Variants in RXRB observed in about 807,000 individuals in gnomAD.
RXRB encodes retinoic acid receptor RXR-beta.
A neutral mutation model predicts 52.5 loss-of-function variants in RXRB; 18 were observed. That is an observed-to-expected ratio of 0.34 (90% CI 0.24 to 0.51). RXRB has a LOEUF of 0.51. Among genes scored for constraint, RXRB ranks in the 20% least tolerant of loss-of-function variants. The pLI is 0.97. For synonymous variants in RXRB, 233 were observed against 267.1 expected (o/e 0.87, Z 1.25); for missense variants, 455 against 698.2 (o/e 0.65, Z 3.92).
At chr6:33,199,473 A>G in intron 1 of RXRB, 57 bp from the exon 2 acceptor site, 1 of 1,242,214 alleles carries the variant, frequency 8.1e-7, no homozygotes, top group South Asian at 3.6e-5. Flanking sequence ...GAGACAAAAA[A>G]AGAAAATGAG....
chr6:33,199,770 G>A, intron 1 of RXRB: 1 of 443,814 alleles, frequency 2.3e-6, no homozygotes, highest in Admixed American at 2.9e-5. Flanking sequence ...TAGTTCAGGT[G>A]AGGAAAATTT....
At chr6:33,198,015 C>T in intron 3 of RXRB, 74 bp from the exon 4 acceptor site, 1 of 1,496,858 alleles carries the variant, frequency 6.7e-7, no homozygotes, top group Non-Finnish European at 9.1e-7. Flanking sequence ...TTCCAATCTC[C>T]CCCTAGCAAA....
In RXRB at chr6:33,198,718, A is replaced by C; in HGVS notation, c.484-254T>G. 4 of 622,790 alleles carry C rather than the reference A, an allele frequency of 6.4e-6. 1 individual carries two copies. Among genetic ancestry groups the C allele is most frequent in the Non-Finnish European group, 1.2e-5 (4 of 346,276 alleles). 38.6% of individuals were successfully genotyped at this position (622,790 alleles called of 1,614,324 possible). A position where few individuals can be genotyped will look rare whatever the true frequency, so the allele number is the denominator to read the frequency against. On this transcript the variant is annotated intron_variant, in intron 2 of 9. Coordinates refer to ENST00000374680, the MANE Select transcript of RXRB (RefSeq NM_021976.5). ...GTCTTGGGAAAGCAGATGGGATCAA[A>C]AGGGCAGAAAATCAGATAGATGAAA...
chr6:33,199,565 C>A (rs1305995780), intron 1 of RXRB, 149 bp from the exon 2 acceptor site: 1 of 536,264 alleles, frequency 1.9e-6, no homozygotes, highest in South Asian at 4.7e-5. Context: ...TCCCCAAGTT[C>A]AGAGACACCC....
rs769370974 is a variant in RXRB, at chr6:33,200,057, G to A, written c.235+185C>T. ...GCCTCAAGCGGTCACAGCTAGGAGG[G>A]CGGAAGCTCCCCTTCCCCGCCCCGC... is the stretch of plus-strand genomic sequence containing the variant. On this transcript the variant is annotated intron_variant, in intron 1 of 9. Transcript: ENST00000374680. The surrounding 1 kb of genome is among the most constrained non-coding windows in gnomAD (Gnocchi z 6.3). 4.9e-5 allele frequency: 45 copies of A among 914,096 alleles called. No individual in the cohort carries two copies. Among genetic ancestry groups the A allele is most frequent in the African/African-American group, 4.8e-4 (30 of 61,862 alleles). The allele number at this position is 914,096 out of a possible 1,614,324, so 56.6% of individuals were successfully genotyped here. A position where few individuals can be genotyped will look rare whatever the true frequency, so the allele number is the denominator to read the frequency against.
chr6:33,194,889 C>T lies in RXRB; in HGVS notation c.1454+56G>A. 1 of 1,611,222 alleles carries T rather than the reference C, an allele frequency of 6.2e-7. No individual in the cohort carries two copies. Among genetic ancestry groups the T allele is most frequent in the Non-Finnish European group, 8.5e-7 (1 of 1,178,678 alleles). On this transcript the variant is annotated intron_variant, in intron 9 of 9. Transcript: ENST00000374680. The surrounding 1 kb of genome is among the most constrained non-coding windows in gnomAD (Gnocchi z 4.1). ...GGAAGCACACGGGCCCTGAACACAT[C>T]CTCATAGCACTCCCCACCCCCAAGG...
At chr6:33,199,854 G>A (rs1238766056) in intron 1 of RXRB, 2 of 604,374 alleles carry the variant, frequency 3.3e-6, no homozygotes, top group Non-Finnish European at 3.2e-6. Flanking sequence ...GCAGCACGTG[G>A]GGTAGACCAT....
chr6:33,200,516 G>T lies in RXRB; in HGVS notation c.-40C>A. 1 of 1,543,314 alleles carries T rather than the reference G, an allele frequency of 6.5e-7. No homozygotes were observed. On this transcript the variant is annotated 5_prime_UTR_variant, in exon 1 of 10. Transcript: ENST00000374680. This position sits in a 1 kb window ranked among gnomAD's most constrained non-coding sequence, Gnocchi z 6.3. ...AGTAGGGATACCGAAGAGGTCCCAGGGATTCCCAAGGATTGATCGGAGGAT... is the reference window on the plus strand; with the variant it reads ...AGTAGGGATACCGAAGAGGTCCCAGTGATTCCCAAGGATTGATCGGAGGAT...
chr6:33,200,811 T>A (rs747104712), upstream of RXRB: 2 of 1,516,096 alleles, frequency 1.3e-6, no homozygotes, highest in Non-Finnish European at 1.8e-6. This position sits in a 1 kb window ranked among gnomAD's most constrained non-coding sequence, Gnocchi z 6.3. Context: ...GATTCGTCGC[T>A]ACCGGAGTGC....
chr6:33,199,299 GC>G lies in RXRB; in HGVS notation c.352del (p.Ala118ProfsTer62). ...STAPSLGGSGAPPPPPMPPPP... is the reference protein window; with the variant it reads ...STAPSLGGSGXPPPPPMPPPP... ...TGGTGGCATCGGGGGTGGGGGTGGG[GC>G]CCCAGAGCCTCCAAGGGATGGAGCT... On this transcript the variant is annotated frameshift_variant, in exon 2 of 10. Transcript: ENST00000374680. LOFTEE classifies it high-confidence loss of function. 1 of 902,350 alleles carries G rather than the reference GC, an allele frequency of 1.1e-6. No homozygotes were observed. Among genetic ancestry groups the G allele is most frequent in the Non-Finnish European group, 1.3e-6 (1 of 743,616 alleles). The allele number at this position is 902,350 out of a possible 1,614,324, so 55.9% of individuals were successfully genotyped here.
At position 33,200,634 on chromosome 6, in the gene RXRB, G is replaced by T. The variant is rs891864654; in HGVS notation, c.-158C>A. 1.1e-5 allele frequency: 16 copies of T among 1,513,608 alleles called. No individual in the cohort carries two copies. The highest frequency in any genetic ancestry group is 2.5e-5 in the South Asian group (2 of 78,448). 93.8% of individuals were successfully genotyped at this position (1,513,608 alleles called of 1,614,324 possible). Reference sequence around the variant, plus strand: ...CTCTGCTCAGTACCAAAATGACAGCGCCAATGTGGCAGCCATCTTTGTACA... The same window carrying T: ...CTCTGCTCAGTACCAAAATGACAGCTCCAATGTGGCAGCCATCTTTGTACA... On this transcript the variant is annotated 5_prime_UTR_variant, in exon 1 of 10. Coordinates refer to ENST00000374680, the MANE Select transcript of RXRB (RefSeq NM_021976.5). This position sits in a 1 kb window ranked among gnomAD's most constrained non-coding sequence, Gnocchi z 6.3.
In RXRB at chr6:33,199,175, G is replaced by A. The variant is rs767135189; in HGVS notation, c.477C>T (p.Ser159=). 1 of 1,298,324 alleles carries A rather than the reference G, an allele frequency of 7.7e-7. No individual in the cohort carries two copies. Among genetic ancestry groups the A allele is most frequent in the Non-Finnish European group, 9.8e-7 (1 of 1,017,268 alleles). The allele number at this position is 1,298,324 out of a possible 1,614,324, so 80.4% of individuals were successfully genotyped here. ...GTTGGTCACAACCTCTCACCTGGGG[G>A]CTGCTGACAGGCCCGGAGAATCCTG... ...APPGFSGPVS[S]PQINSTVSLP... The change falls in exon 2 of 10, where the codon AGC becomes AGT. Residue 159 remains serine (S), a synonymous_variant. Transcript: ENST00000374680.
Position 33,200,026 on chromosome 6 carries a change from C to A in RXRB, c.235+216G>T. ...CTTCCCAGGCCCGCGACCTCCGGTG[C>A]CCAAGGCCTCAAGCGGTCACAGCTA... is the stretch of plus-strand genomic sequence containing the variant. On this transcript the variant is annotated intron_variant, in intron 1 of 9. Transcript: ENST00000374680. This position sits in a 1 kb window ranked among gnomAD's most constrained non-coding sequence, Gnocchi z 6.3. The A allele has an allele frequency of 1.2e-6, 1 of 803,996 alleles. No homozygotes were observed. Among genetic ancestry groups the A allele is most frequent in the South Asian group, 1.3e-5 (1 of 74,600 alleles). The allele number at this position is 803,996 out of a possible 1,614,324, so 49.8% of individuals were successfully genotyped here.
chr6:33,195,318 C>T lies in RXRB; in HGVS notation c.1348+45G>A, dbSNP rs1773816681. On this transcript the variant is annotated intron_variant, in intron 8 of 9. Coordinates refer to ENST00000374680, the MANE Select transcript of RXRB (RefSeq NM_021976.5). The surrounding 1 kb of genome is among the most constrained non-coding windows in gnomAD (Gnocchi z 8.6). ...AGGAGTCTCGGAGAAGAGGAGGCTC[C>T]AAGGTTGCCTTGGCCTTGAGAGACA... The T allele has an allele frequency of 8.0e-7, 1 of 1,257,418 alleles. No homozygotes were observed. The highest frequency in any genetic ancestry group is 1.5e-5 in the African/African-American group (1 of 67,960). 77.9% of individuals were successfully genotyped at this position (1,257,418 alleles called of 1,614,324 possible). A position where few individuals can be genotyped will look rare whatever the true frequency, so the allele number is the denominator to read the frequency against.
At position 33,194,843 on chromosome 6, in the gene RXRB, G is replaced by A; in HGVS notation, c.1455-14C>T. Reference sequence around the variant, plus strand: ...AGCTTGGCAAACCTGGGGTGGAGGTGGGAGAAGGGGATTGAGAGCTGGAAG... The same window carrying A: ...AGCTTGGCAAACCTGGGGTGGAGGTAGGAGAAGGGGATTGAGAGCTGGAAG... On this transcript the variant is annotated splice_polypyrimidine_tract_variant and intron_variant, in intron 9 of 9. Transcript: ENST00000374680. The surrounding 1 kb of genome is among the most constrained non-coding windows in gnomAD (Gnocchi z 4.1). 1 of 1,612,620 alleles carries A rather than the reference G, an allele frequency of 6.2e-7. No individual in the cohort carries two copies. The highest frequency in any genetic ancestry group is 8.5e-7 in the Non-Finnish European group (1 of 1,179,804).
intron 1 of RXRB, chr6:33,199,683 T>TAG (rs1774278701): frequency 2.1e-6 from 1 of 470,096 alleles, no homozygotes; most frequent in African/African-American, 1.9e-5. Flanking sequence ...ACTGCTATAT[T>TAG]TGACTGGCTA....
intron 1 of RXRB, 22 bp from the exon 2 acceptor site, chr6:33,199,438 GCA>G (rs1338579116): frequency 7.9e-7 from 1 of 1,262,032 alleles, no homozygotes; most frequent in Non-Finnish European, 1.0e-6. Flanking sequence ...GTATGTACAG[GCA>G]CACAGACACA....
rs780014876 is a variant in RXRB, at chr6:33,195,032, T to C, written c.1367A>G (p.Asn456Ser). The change falls in exon 9 of 10, where the codon AAC becomes AGC. Residue 456 changes from asparagine to serine, a missense_variant. Physicochemically the swap from Asn to Ser is conservative, Grantham distance 46 (BLOSUM62 1). Around this residue, in one of 4 missense-constraint regions of RXRB, gnomAD observed 115 missense variants for 253.1 expected, o/e 0.45. Transcript: ENST00000374680. The surrounding 1 kb of genome is among the most constrained non-coding windows in gnomAD (Gnocchi z 8.6). ...CCGCAGGACCTCCACCTCACTAGGG[T>C]TGGAGAGGCCCTTGGCATCTGGGAT... ...LFNPDAKGLS[N>S]PSEVEVLREK... 2.5e-6 allele frequency: 4 copies of C among 1,611,632 alleles called. No individual in the cohort carries two copies. In the South Asian group the frequency reaches 3.3e-5, roughly 13 times the overall value.
upstream of RXRB, chr6:33,200,695 T>G: frequency 2.6e-6 from 4 of 1,545,876 alleles, no homozygotes; most frequent in Non-Finnish European, 3.5e-6. This position sits in a 1 kb window ranked among gnomAD's most constrained non-coding sequence, Gnocchi z 6.3. Flanking sequence ...CGCCCCCTCG[T>G]CTAGTTGGAA....
Sources: gnomAD v4.1 joint callset for allele counts on GRCh38, gnomAD v4.1.1 for gene constraint, gnomAD v4.1.1 regional missense constraint, Gnocchi (gnomAD v3.1) non-coding constraint, MANE v1.5 for transcripts, NCBI Gene and HGNC (gene_info 2026-07-23, HGNC 2026-07-21) for gene names.